Variants in WWOX observed in about 807,000 individuals in gnomAD.
WWOX encodes WW domain-containing oxidoreductase.
A neutral mutation model predicts 46.2 loss-of-function variants in WWOX; 69 were observed. The observed-to-expected ratio is 1.49, with a 90% confidence interval of 1.23 to 1.82. The LOEUF is 1.82. WWOX is among the 40% of genes most tolerant of loss of function. The pLI is 0.00. For synonymous variants in WWOX, 359 were observed against 202.6 expected (o/e 1.77, Z -6.56); for missense variants, 919 against 542.6 (o/e 1.69, Z -6.89).
intron 8 of WWOX, among the ~76,000 whole-genome samples, chr16:79,134,183 C>G (rs1322720630): frequency 2.0e-5 from 3 of 149,836 alleles, no homozygotes; most frequent in Admixed American, 2.0e-4. Flanking sequence ...ATTTTTTTTT[C>G]TCTTTAATTT....
At chr16:78,211,459 G>C (rs1414860355) in intron 5 of WWOX, among the ~76,000 whole-genome samples, 1 of 152,244 alleles carries the variant, frequency 6.6e-6, no homozygotes, top group South Asian at 2.1e-4. Context: ...TGAGCTGAGT[G>C]TATGAGTGCA....
At chr16:78,257,426 A>AG (rs1180258091) in intron 5 of WWOX, among the ~76,000 whole-genome samples, 1 of 152,180 alleles carries the variant, frequency 6.6e-6, no homozygotes. Context: ...GGCTCCCGTG[A>AG]GGCGGTGCAG....
chr16:78,768,069 C>G (rs2049968017), intron 8 of WWOX, among the ~76,000 whole-genome samples: 1 of 151,790 alleles, frequency 6.6e-6, no homozygotes, highest in African/African-American at 2.4e-5. Context: ...TGTGCTTTTT[C>G]ATTAGCTGTA....
At chr16:78,603,172 T>A (rs2045664107) in intron 8 of WWOX, among the ~76,000 whole-genome samples, 1 of 152,220 alleles carries the variant, frequency 6.6e-6, no homozygotes, top group Non-Finnish European at 1.5e-5. Flanking sequence ...ATGCACATCA[T>A]CTTCTAACAG....
chr16:78,927,443 A>G (rs1180438378), intron 8 of WWOX, among the ~76,000 whole-genome samples: 1 of 152,166 alleles, frequency 6.6e-6, no homozygotes, highest in African/African-American at 2.4e-5. Flanking sequence ...GTTTGTTTGT[A>G]AATTCTCTGT....
intron 8 of WWOX, among the ~76,000 whole-genome samples, chr16:78,566,988 TCA>T (rs2044584982): frequency 2.0e-5 from 3 of 152,314 alleles, no homozygotes; most frequent in East Asian, 1.9e-4. Flanking sequence ...TAGCAGAAAC[TCA>T]CATGTGTGTG....
intron 5 of WWOX, among the ~76,000 whole-genome samples, chr16:78,222,769 A>C (rs2036933865): frequency 6.6e-6 from 1 of 152,262 alleles, no homozygotes; most frequent in African/African-American, 2.4e-5. Context: ...ATGTCAGTTC[A>C]TGACAAATGT....
intron 8 of WWOX, among the ~76,000 whole-genome samples, chr16:78,810,603 C>T (rs938464022): frequency 6.6e-6 from 1 of 152,204 alleles, no homozygotes; most frequent in Non-Finnish European, 1.5e-5. Context: ...TTCTGCAGTG[C>T]TGGAGTATTT....
chr16:78,433,957 T>TA (rs1369943286), intron 8 of WWOX, among the ~76,000 whole-genome samples: 1 of 151,544 alleles, frequency 6.6e-6, no homozygotes, highest in Non-Finnish European at 1.5e-5. Flanking sequence ...GCCCGGCTAA[T>TA]TTTTTGTATT....
intron 8 of WWOX, among the ~76,000 whole-genome samples, chr16:78,794,534 A>C (rs2050688872): frequency 6.6e-6 from 1 of 152,226 alleles, no homozygotes; most frequent in Non-Finnish European, 1.5e-5. Context: ...CATCCAAAAA[A>C]ATGGGTGAAT....
At chr16:78,446,095 T>C (rs1451161987) in intron 8 of WWOX, among the ~76,000 whole-genome samples, 1 of 152,226 alleles carries the variant, frequency 6.6e-6, no homozygotes, top group African/African-American at 2.4e-5. Context: ...CTAATGGTAT[T>C]GATGTGTTTT....
intron 8 of WWOX, among the ~76,000 whole-genome samples, chr16:78,600,791 G>A (rs1021959378): frequency 7.2e-5 from 11 of 152,190 alleles, no homozygotes; most frequent in Admixed American, 2.0e-4. Context: ...CATCTTGGGA[G>A]TGCTCAACCC....
intron 8 of WWOX, among the ~76,000 whole-genome samples, chr16:79,035,500 A>T (rs969722183): frequency 6.6e-6 from 1 of 152,126 alleles, no homozygotes; most frequent in Non-Finnish European, 1.5e-5. Flanking sequence ...TATGATTAGC[A>T]GTAGAGGTGT....
chr16:78,748,475 G>A (rs1332314546), intron 8 of WWOX, among the ~76,000 whole-genome samples: 1 of 152,216 alleles, frequency 6.6e-6, no homozygotes, highest in Non-Finnish European at 1.5e-5. Flanking sequence ...CATGCTGGCT[G>A]TAAAGTTCAC....
At chr16:78,754,831 A>G (rs1245441314) in intron 8 of WWOX, among the ~76,000 whole-genome samples, 1 of 152,116 alleles carries the variant, frequency 6.6e-6, no homozygotes, top group African/African-American at 2.4e-5. Flanking sequence ...TGGGCCTGGG[A>G]GCTGTACTAC....
intron 5 of WWOX, among the ~76,000 whole-genome samples, chr16:78,273,085 C>T (rs1360343371): frequency 6.6e-6 from 1 of 152,146 alleles, no homozygotes; most frequent in East Asian, 1.9e-4. Context: ...TAATTCTGGG[C>T]ATTATATCTT....
At chr16:78,991,971 G>A (rs1443876140) in intron 8 of WWOX, among the ~76,000 whole-genome samples, 1 of 152,128 alleles carries the variant, frequency 6.6e-6, no homozygotes, top group Non-Finnish European at 1.5e-5. Context: ...GGATGCAGGG[G>A]CGAAATGAAA....
chr16:78,580,540 A>C (rs1485435844), intron 8 of WWOX, among the ~76,000 whole-genome samples: 3 of 152,202 alleles, frequency 2.0e-5, no homozygotes, highest in African/African-American at 7.2e-5. Context: ...CAAATTGCCA[A>C]ATGCAAGGCC....
intron 8 of WWOX, among the ~76,000 whole-genome samples, chr16:79,154,661 T>C (rs190662286): frequency 6.6e-6 from 1 of 152,360 alleles, no homozygotes; most frequent in African/African-American, 2.4e-5. Flanking sequence ...TGCTGATGGA[T>C]GTACACTGTA....
Sources: gnomAD v4.1 joint callset for allele counts (sites outside exome capture counted in the v4.1 genomes callset) on GRCh38, gnomAD v4.1.1 for gene constraint, MANE v1.5 for transcripts, NCBI Gene and HGNC (gene_info 2026-07-23, HGNC 2026-07-21) for gene names.